Variants in PDLIM5 observed in about 807,000 individuals in gnomAD.
PDLIM5 encodes PDZ and LIM domain protein 5.
Under a neutral mutation model 64.2 loss-of-function variants are expected in PDLIM5, and 34 were observed. That is an observed-to-expected ratio of 0.53 (90% CI 0.40 to 0.71). The LOEUF (loss-of-function observed/expected upper bound fraction) is 0.71. Among genes scored for constraint, PDLIM5 ranks in the 30% least tolerant of loss-of-function variants. The probability of loss-of-function intolerance (pLI) is 0.00; values close to 1 mark genes in which losing one functional copy is unlikely to be tolerated. For missense variants in PDLIM5, 683 were observed against 733.6 expected (o/e 0.93, Z 0.80); for synonymous variants, 253 against 269.1 (o/e 0.94, Z 0.59).
chr4:94,504,487 A>G (rs1728213160), intron 2 of PDLIM5, among the ~76,000 whole-genome samples: 2 of 152,054 alleles, frequency 1.3e-5, no homozygotes, highest in Admixed American at 1.3e-4. Context: ...GGGTTTCGCC[A>G]TGTTGGCCAG....
chr4:94,649,417 C>G (rs1372432166), intron 9 of PDLIM5, among the ~76,000 whole-genome samples: 1 of 152,190 alleles, frequency 6.6e-6, no homozygotes, highest in Admixed American at 6.5e-5. Flanking sequence ...TTCCTGGTCA[C>G]CTATTTAAAT....
chr4:94,498,567 T>C (rs924095025), intron 2 of PDLIM5, among the ~76,000 whole-genome samples: 1 of 152,264 alleles, frequency 6.6e-6, no homozygotes, highest in Non-Finnish European at 1.5e-5. Flanking sequence ...TTAATTACTT[T>C]CTATACTAAC....
At chr4:94,524,100 T>C (rs1013041591) in intron 3 of PDLIM5, among the ~76,000 whole-genome samples, 1 of 152,142 alleles carries the variant, frequency 6.6e-6, no homozygotes, top group Non-Finnish European at 1.5e-5. Flanking sequence ...CTAATAAAAA[T>C]TGTGTGGGCC....
chr4:94,586,034 G>A (rs570622147), intron 6 of PDLIM5, among the ~76,000 whole-genome samples: 3 of 152,198 alleles, frequency 2.0e-5, no homozygotes, highest in South Asian at 2.1e-4. Flanking sequence ...TCTGGGCATC[G>A]TGGAAGCCAC....
intron 8 of PDLIM5, among the ~76,000 whole-genome samples, chr4:94,628,076 T>C (rs1344467340): frequency 6.6e-6 from 1 of 152,212 alleles, no homozygotes; most frequent in East Asian, 1.9e-4. Context: ...AAGCATTTCT[T>C]ACAGATTCAA....
intron 5 of PDLIM5, among the ~76,000 whole-genome samples, chr4:94,576,640 T>G (rs1735288121): frequency 6.6e-6 from 1 of 152,244 alleles, no homozygotes. Context: ...TAGAAAGCAT[T>G]AGAAGCAAAT....
intron 2 of PDLIM5, among the ~76,000 whole-genome samples, chr4:94,517,066 C>CG (rs976712868): frequency 8.6e-5 from 13 of 151,976 alleles, no homozygotes; most frequent in East Asian, 1.9e-4. Context: ...TGCATATATG[C>CG]GGGGGGGACA....
chr4:94,640,184 T>G, intron 8 of PDLIM5, 92 bp from the exon 9 acceptor site: 1 of 618,044 alleles, frequency 1.6e-6, no homozygotes, highest in Non-Finnish European at 2.7e-6. Flanking sequence ...GTGAATAGAT[T>G]ACTGTTAAAA....
chr4:94,589,708 TTCTTTCTC>T (rs1392734152), intron 7 of PDLIM5, among the ~76,000 whole-genome samples: 1 of 151,724 alleles, frequency 6.6e-6, no homozygotes, highest in African/African-American at 2.4e-5. Flanking sequence ...TTTTCAACCT[TTCTTTCTC>T]TCTTTCTCTT....
At chr4:94,510,666 C>A (rs1728788573) in intron 2 of PDLIM5, among the ~76,000 whole-genome samples, 1 of 151,968 alleles carries the variant, frequency 6.6e-6, no homozygotes, top group Non-Finnish European at 1.5e-5. Flanking sequence ...TGATTTTAAC[C>A]ACTTAATGCT....
chr4:94,625,552 A>C (rs925929003), intron 8 of PDLIM5, among the ~76,000 whole-genome samples: 2 of 150,984 alleles, frequency 1.3e-5, no homozygotes, highest in African/African-American at 4.9e-5. Flanking sequence ...TCCCAGGTTC[A>C]CGCCATTCTC....
intron 3 of PDLIM5, among the ~76,000 whole-genome samples, chr4:94,530,451 AG>A (rs1359976842): frequency 1.1e-4 from 17 of 150,916 alleles, no homozygotes; most frequent in Non-Finnish European, 2.4e-4. Flanking sequence ...CAGAAAATAC[AG>A]TACTATATAT....
At chr4:94,513,818 G>T (rs375815576) in intron 2 of PDLIM5, among the ~76,000 whole-genome samples, 13 of 152,102 alleles carry the variant, frequency 8.5e-5, no homozygotes, top group African/African-American at 2.9e-4. Context: ...TAGAGGAAAG[G>T]TTTTCAGTTT....
At chr4:94,580,220 A>T (rs529057459) in intron 5 of PDLIM5, among the ~76,000 whole-genome samples, 1 of 152,282 alleles carries the variant, frequency 6.6e-6, no homozygotes, top group East Asian at 1.9e-4. Context: ...ATTAGATAAG[A>T]ACTTAAAATA....
At chr4:94,650,355 A>T (rs1206415707) in intron 9 of PDLIM5, among the ~76,000 whole-genome samples, 1 of 152,232 alleles carries the variant, frequency 6.6e-6, no homozygotes, top group Non-Finnish European at 1.5e-5. Flanking sequence ...ACAAAAACAT[A>T]AAAGTGGTTT....
intron 3 of PDLIM5, among the ~76,000 whole-genome samples, chr4:94,536,278 A>G (rs961853240): frequency 6.6e-5 from 10 of 152,218 alleles, no homozygotes; most frequent in African/African-American, 2.2e-4. Flanking sequence ...AAGGAGTAAC[A>G]TGAGAAGATT....
rs535035002 is a variant in PDLIM5 at position 94,628,524 on chromosome 4, T to C, written c.1108+10333T>C. The stretch of plus-strand genomic sequence containing the variant: ...CATTGAGAAATCTTAAAATATCTCT[T>C]TTTTTTTTTCCTGCTTCATTTTTTT... On this transcript the variant is annotated intron_variant, in intron 8 of 12. Transcript: ENST00000317968. Among the ~76,000 whole-genome samples the C allele has an allele frequency of 1.7e-4, 25 of 144,570 alleles. No homozygotes were observed. The South Asian group carries it at 4.2e-3, about 24-fold the overall frequency. The allele number at this position is 144,570 out of a possible 152,430, so 94.8% of individuals were successfully genotyped here.
intron 5 of PDLIM5, chr4:94,579,458 G>T: frequency 1.3e-6 from 1 of 793,070 alleles, no homozygotes; most frequent in Non-Finnish European, 2.0e-6. Flanking sequence ...GAAGAACCTG[G>T]CCTTGGAAGA....
At chr4:94,454,551 G>A in intron 1 of PDLIM5, among the ~76,000 whole-genome samples, 1 of 152,098 alleles carries the variant, frequency 6.6e-6, no homozygotes, top group Non-Finnish European at 1.5e-5. Flanking sequence ...TGAGGTGTGT[G>A]TATAAAACAA....
Sources: gnomAD v4.1 joint callset for allele counts (sites outside exome capture counted in the v4.1 genomes callset) on GRCh38, gnomAD v4.1.1 for gene constraint, MANE v1.5 for transcripts, NCBI Gene and HGNC (gene_info 2026-07-23, HGNC 2026-07-21) for gene names.